Variants in WDR62 observed in about 807,000 individuals in gnomAD.
WDR62 encodes the protein WD repeat domain 62, also known as WD repeat-containing protein 62.
Under a neutral mutation model 160.6 loss-of-function variants are expected in WDR62, and 112 were observed. That is an observed-to-expected ratio of 0.70 (90% CI 0.60 to 0.82). The LOEUF (loss-of-function observed/expected upper bound fraction) is 0.82, where lower values mean the gene tolerates loss of function less well. Ranked by LOEUF, WDR62 falls within the 40% of genes least tolerant of loss-of-function variation. The pLI, the probability that WDR62 is intolerant of heterozygous loss-of-function variation, is 0.00. For synonymous variants in WDR62, 792 were observed against 815.1 expected (o/e 0.97, Z 0.48); for missense variants, 1,819 against 1,983.8 (o/e 0.92, Z 1.58).
chr19:36,077,102 G>A (rs991044504), intron 9 of WDR62, among the ~76,000 whole-genome samples: 8 of 151,802 alleles, frequency 5.3e-5, no homozygotes, highest in Non-Finnish European at 7.4e-5. Flanking sequence ...TTACTCTCTA[G>A]TTTCAGAACA....
At chr19:36,086,132 A>T (rs912847077) in intron 12 of WDR62, among the ~76,000 whole-genome samples, 1 of 151,994 alleles carries the variant, frequency 6.6e-6, no homozygotes, top group African/African-American at 2.4e-5. Flanking sequence ...TGCCCCACCA[A>T]CTTGTCTTGA....
intron 7 of WDR62, among the ~76,000 whole-genome samples, chr19:36,068,368 A>T (rs1971057518): frequency 6.6e-6 from 1 of 150,902 alleles, no homozygotes; most frequent in East Asian, 1.9e-4. Context: ...TAATTAATTT[A>T]TTTTTTTTTA....
At chr19:36,074,450 A>G (rs1253472996) in intron 9 of WDR62, 1 of 152,180 alleles carries the variant, frequency 6.6e-6, no homozygotes, top group Non-Finnish European at 1.5e-5. Flanking sequence ...GCTTGAGTCC[A>G]GGGGTTCGAG....
At chr19:36,059,861 AG>A in intron 2 of WDR62, 106 bp from the exon 3 acceptor site, 1 of 1,185,334 alleles carries the variant, frequency 8.4e-7, no homozygotes, top group Non-Finnish European at 1.3e-6. Context: ...GAGACCAGAG[AG>A]AACCGAGGGA....
chr19:36,097,728 A>G (rs1169334663), intron 21 of WDR62, among the ~76,000 whole-genome samples: 1 of 151,926 alleles, frequency 6.6e-6, no homozygotes, highest in African/African-American at 2.4e-5. Flanking sequence ...TACAAAAAAT[A>G]AAAAAATTAG....
intron 30 of WDR62, 90 bp downstream of exon 30, chr19:36,104,071 A>G: frequency 6.7e-7 from 1 of 1,500,220 alleles, no homozygotes; most frequent in Non-Finnish European, 9.1e-7. Flanking sequence ...TGACCTGGCC[A>G]CAGGGACTGT....
chr19:36,100,783 C>T lies in WDR62; in HGVS notation c.2775C>T (p.Pro925=), dbSNP rs772128766. The T allele has an allele frequency of 9.9e-6, 16 of 1,614,096 alleles. No individual in the cohort carries two copies. In the African/African-American group the frequency reaches 1.3e-4, roughly 13 times the overall value. Residue 925 remains proline (P), a synonymous_variant, in exon 23 of 32, where the codon CCC becomes CCT. Transcript: ENST00000401500. ...CCCAGGAAGCTGGCCGCGGGCACCC[C>T]TCCTTCCTGCCCCAGCAGAAGGAAT... ...ESPQEAGRGH[P]SFLPQQKESS...
chr19:36,071,828 T>C (rs1971317415), intron 8 of WDR62, 112 bp downstream of exon 8: 1 of 1,362,750 alleles, frequency 7.3e-7, no homozygotes, highest in Non-Finnish European at 9.9e-7. Context: ...CAAATACCCA[T>C]CATGACTCTC....
At position 36,066,377 on chromosome 19, in the gene WDR62, G is replaced by T; in HGVS notation, c.511G>T (p.Val171Leu). 6.2e-7 allele frequency: 1 copy of T among 1,612,940 alleles called. No homozygotes were observed. Among genetic ancestry groups the T allele is most frequent in the Non-Finnish European group, 8.5e-7 (1 of 1,179,454 alleles). ...VAFSPNMKHI[V>L]SMGYQHDMVL... ...CTTCTCACCCAATATGAAGCACATC[G>T]TGTCCATGGGCTACCAACATGACAT... The change falls in exon 5 of 32, where the codon GTG becomes TTG. Residue 171 changes from valine to leucine, a missense_variant. Val to Leu is a conservative substitution (Grantham distance 32). Coordinates refer to ENST00000401500, the MANE Select transcript of WDR62 (RefSeq NM_001083961.2).
At chr19:36,069,436 G>A (rs1028958627) in intron 7 of WDR62, among the ~76,000 whole-genome samples, 2 of 151,672 alleles carry the variant, frequency 1.3e-5, no homozygotes, top group Non-Finnish European at 2.9e-5. Context: ...GACGATGGGC[G>A]GCCGGGCAGA....
chr19:36,082,893 T>C (rs1417270631), intron 10 of WDR62, among the ~76,000 whole-genome samples, 170 bp from the exon 11 acceptor site: 1 of 152,256 alleles, frequency 6.6e-6, no homozygotes, highest in Non-Finnish European at 1.5e-5. Flanking sequence ...TATTCACATA[T>C]TCTTATCTAG....
chr19:36,104,718 T>C, intron 31 of WDR62, 43 bp downstream of exon 31: 1 of 1,613,860 alleles, frequency 6.2e-7, no homozygotes. Context: ...AGGGGTCTCT[T>C]GAGACCGCCC....
intron 9 of WDR62, among the ~76,000 whole-genome samples, chr19:36,075,603 G>T (rs576997963): frequency 6.6e-6 from 1 of 152,026 alleles, no homozygotes; most frequent in South Asian, 2.1e-4. Flanking sequence ...CCGCCACCAC[G>T]CCTGGCTAAT....
chr19:36,093,993 C>G, intron 19 of WDR62, 38 bp from the exon 20 acceptor site: 1 of 1,612,578 alleles, frequency 6.2e-7, no homozygotes, highest in Non-Finnish European at 8.5e-7. Context: ...GCCCATTTGC[C>G]TGTATTCTCT....
chr19:36,105,573 A>G (rs1327527020), downstream of WDR62, among the ~76,000 whole-genome samples: 1 of 151,926 alleles, frequency 6.6e-6, no homozygotes, highest in Non-Finnish European at 1.5e-5. Flanking sequence ...CAAGCTGGGT[A>G]TGGTGGCCTG....
At chr19:36,072,697 G>A (rs188900602) in intron 8 of WDR62, among the ~76,000 whole-genome samples, 1 of 152,258 alleles carries the variant, frequency 6.6e-6, no homozygotes, top group Admixed American at 6.5e-5. Flanking sequence ...AAGGAAAGGA[G>A]GGGGCGAGCA....
chr19:36,101,911 C>A, intron 25 of WDR62, 103 bp from the exon 26 acceptor site: 1 of 1,577,578 alleles, frequency 6.3e-7, no homozygotes, highest in Non-Finnish European at 8.7e-7. Flanking sequence ...AGCCTGCGGG[C>A]AACAGGGCAG....
Position 36,086,709 on chromosome 19 carries a change from C to T in WDR62, c.1665C>T (p.Ala555=). The part of the protein sequence containing the change: ...PETGLTLLAS[A]SRDRLIHVLN... ...CAGGGCTGACCTTGCTGGCCTCAGCCAGTCGGGACCGGCTGATCCATGTGC... is the reference window on the plus strand; with the variant it reads ...CAGGGCTGACCTTGCTGGCCTCAGCTAGTCGGGACCGGCTGATCCATGTGC... The change falls in exon 13 of 32, where the codon GCC becomes GCT. Residue 555 remains alanine, a synonymous_variant. Coordinates refer to ENST00000401500, the MANE Select transcript of WDR62 (RefSeq NM_001083961.2). The T allele has an allele frequency of 2.5e-6, 4 of 1,604,308 alleles. No individual in the cohort carries two copies. Among genetic ancestry groups the T allele is most frequent in the Non-Finnish European group, 3.4e-6 (4 of 1,174,870 alleles).
chr19:36,102,145 TGCAGAGGTAGG>T lies in WDR62; in HGVS notation c.3217_3220+7del. The stretch of plus-strand genomic sequence containing the variant: ...CTTTGAGACACTGACTGAGTCCCCC[TGCAGAGGTAGG>T]GCCCTGCCTCACCCACACCTGCCGA... On this transcript the variant is annotated splice_donor_variant and splice_donor_5th_base_variant and coding_sequence_variant and intron_variant, in exon 26 of 32. Transcript: ENST00000401500. LOFTEE classifies it high-confidence loss of function. 1 of 1,613,906 alleles carries T rather than the reference TGCAGAGGTAGG, an allele frequency of 6.2e-7. No homozygotes were observed. Among genetic ancestry groups the T allele is most frequent in the Non-Finnish European group, 8.5e-7 (1 of 1,180,020 alleles).
Sources: allele counts gnomAD v4.1 joint callset (sites outside exome capture counted in the v4.1 genomes callset), GRCh38; gene constraint gnomAD v4.1.1; transcripts MANE v1.5; gene names NCBI Gene and HGNC (gene_info 2026-07-23, HGNC 2026-07-21).